The following ANGEL1 variants were observed in gnomAD, a reference collection of about 807,000 sequenced individuals.
ANGEL1 encodes angel homolog 1.
ANGEL1 carries 62 observed loss-of-function variants against 76.4 expected under a neutral mutation model. The ratio of observed to expected loss-of-function variants is 0.81; its 90% CI spans 0.66 to 1.00. ANGEL1 has a LOEUF of 1.00. ANGEL1 is among the 50% of genes least tolerant of loss of function. The pLI, the probability that ANGEL1 is intolerant of heterozygous loss-of-function variation, is 0.00. For missense variants in ANGEL1, 737 were observed against 836.7 expected, an observed-to-expected ratio of 0.88 and a Z score of 1.47; for synonymous variants, 340 against 331.7, an observed-to-expected ratio of 1.03 and a Z score of -0.27.
rs1477038434 is a variant in ANGEL1, at chr14:76,812,792, C to A, written c.36G>T (p.Pro12=). Residue 12 remains proline, a synonymous_variant, in exon 1 of 10, where the codon CCG becomes CCT. Coordinates refer to ENST00000251089, the MANE Select transcript of ANGEL1 (RefSeq NM_015305.4). ...IASCLCYLLL[P]ATRLFRALSD... is the part of the protein sequence containing the mutation. ...AGAGGGCGCGGAAGAGGCGCGTGGC[C>A]GGCAGCAGCAGGTAACACAAGCACG... 2.6e-6 allele frequency: 4 copies of A among 1,521,724 alleles called. No homozygotes were observed. Among genetic ancestry groups the A allele is most frequent in the Admixed American group, 2.0e-5 (1 of 49,648 alleles). The allele number at this position is 1,521,724 out of a possible 1,614,324, so 94.3% of individuals were successfully genotyped here.
intron 5 of ANGEL1, chr14:76,804,442 G>GA (rs1894856535): frequency 2.0e-6 from 2 of 993,548 alleles, no homozygotes; most frequent in African/African-American, 3.5e-5. Context: ...CGTAGTAGGG[G>GA]AAACATTCGG....
rs71122579 is a variant in ANGEL1, at chr14:76,799,278, C to CTTTTTTTTTT, written c.1618+4083_1618+4092dup. Reference sequence around the variant, plus strand: ...CTCGTTGTACTCCATTCATGGCCTCCTTTTTTTTTTTTTTTTTTTTTTTTT... The same window carrying CTTTTTTTTTT: ...CTCGTTGTACTCCATTCATGGCCTCCTTTTTTTTTTTTTTTTTTTTTTTTTTTTTTTTTTT... On this transcript the variant is annotated intron_variant, in intron 7 of 9. Coordinates refer to ENST00000251089, the MANE Select transcript of ANGEL1 (RefSeq NM_015305.4). Among the ~76,000 whole-genome samples the CTTTTTTTTTT allele has an allele frequency of 8.8e-4, 46 of 52,384 alleles. 8 individuals carry two copies. The highest frequency in any genetic ancestry group is 1.3e-3 in the African/African-American group (16 of 12,320). 34.4% of individuals were successfully genotyped at this position (52,384 alleles called of 152,430 possible).
At position 76,806,587 on chromosome 14, in the gene ANGEL1, C is replaced by G; in HGVS notation, c.1209G>C (p.Lys403Asn). 1.2e-6 allele frequency: 2 copies of G among 1,614,228 alleles called. No individual in the cohort carries two copies. Among genetic ancestry groups the G allele is most frequent in the Non-Finnish European group, 1.7e-6 (2 of 1,180,044 alleles). ...CCAGGAGAATGGCCATCTGGGCCAG[C>G]TTGACATCGCCCCGGCGTGGGTTGT... is the stretch of plus-strand genomic sequence containing the variant. ...ILYNPRRGDV[K>N]LAQMAILLAE... Residue 403 changes from lysine (K) to asparagine (N), a missense_variant, in exon 5 of 10, where the codon AAG (lysine) becomes AAC (asparagine). Lys to Asn is a moderately conservative substitution (Grantham distance 94). Coordinates refer to ENST00000251089, the MANE Select transcript of ANGEL1 (RefSeq NM_015305.4).
chr14:76,803,913 C>G lies in ANGEL1; in HGVS notation c.1381-1G>C. ...GGGAGAAGTCTTCCTGTCCAGATAC[C>G]TGGGTGGAAAAAGAAGGGTGGGAAT... On this transcript the variant is annotated splice_acceptor_variant, in intron 5 of 9. Coordinates refer to ENST00000251089, the MANE Select transcript of ANGEL1 (RefSeq NM_015305.4). LOFTEE classifies it high-confidence loss of function. 1 of 1,614,094 alleles carries G rather than the reference C, an allele frequency of 6.2e-7. No individual in the cohort carries two copies. The highest frequency in any genetic ancestry group is 8.5e-7 in the Non-Finnish European group (1 of 1,180,020).
In ANGEL1 at chr14:76,801,517, G is replaced by A. The variant is rs564383306; in HGVS notation, c.1618+1854C>T. 9.2e-5 allele frequency among the ~76,000 whole-genome samples: 14 copies of A among 152,132 alleles called. No homozygotes were observed. In the South Asian group the frequency reaches 2.1e-3, roughly 23 times the overall value. On this transcript the variant is annotated intron_variant, in intron 7 of 9. Transcript: ENST00000251089. Reference sequence around the variant, plus strand: ...ATAATTATCTTTAAATATTTCTTCTGTGTTATTATATTATAGGCTTTCTTC... The same window carrying A: ...ATAATTATCTTTAAATATTTCTTCTATGTTATTATATTATAGGCTTTCTTC...
At chr14:76,796,660 T>C (rs1894587520) in intron 7 of ANGEL1, among the ~76,000 whole-genome samples, 1 of 152,220 alleles carries the variant, frequency 6.6e-6, no homozygotes, top group East Asian at 1.9e-4. Flanking sequence ...TCTTCTCTGC[T>C]GTCAATGTTC....
intron 7 of ANGEL1, among the ~76,000 whole-genome samples, chr14:76,797,056 TCCA>T (rs1303054844): frequency 6.6e-6 from 1 of 152,174 alleles, no homozygotes; most frequent in Non-Finnish European, 1.5e-5. Context: ...ACTCAAGGCT[TCCA>T]CCTACTCTGC....
chr14:76,803,755 AC>A, intron 6 of ANGEL1, 30 bp downstream of exon 6: 1 of 1,577,180 alleles, frequency 6.3e-7, no homozygotes, highest in South Asian at 1.2e-5. Context: ...GCATGAAGAC[AC>A]AGCCAACCAA....
intron 7 of ANGEL1, among the ~76,000 whole-genome samples, chr14:76,796,493 G>A (rs1377122358): frequency 6.6e-6 from 1 of 151,812 alleles, no homozygotes; most frequent in African/African-American, 2.4e-5. Flanking sequence ...AGGACTCAAG[G>A]GAATCACTTG....
rs71122579 is a variant in ANGEL1 at position 76,799,278 on chromosome 14, C to CTTTTTTTTTTTTTT, written c.1618+4079_1618+4092dup. 1.5e-4 allele frequency among the ~76,000 whole-genome samples: 8 copies of CTTTTTTTTTTTTTT among 52,378 alleles called. 2 individuals carry two copies. Among genetic ancestry groups the CTTTTTTTTTTTTTT allele is most frequent in the African/African-American group, 2.4e-4 (3 of 12,320 alleles). The allele number at this position is 52,378 out of a possible 152,430, so 34.4% of individuals were successfully genotyped here. On this transcript the variant is annotated intron_variant, in intron 7 of 9. Coordinates refer to ENST00000251089, the MANE Select transcript of ANGEL1 (RefSeq NM_015305.4). ...CTCGTTGTACTCCATTCATGGCCTC[C>CTTTTTTTTTTTTTT]TTTTTTTTTTTTTTTTTTTTTTTTT...
At chr14:76,802,010 G>T in intron 7 of ANGEL1, among the ~76,000 whole-genome samples, 1 of 142,392 alleles carries the variant, frequency 7.0e-6, no homozygotes, top group Non-Finnish European at 1.5e-5. Context: ...TACAAAAAAA[G>T]AAAAAAAAAA....
rs1195364463 is a variant in ANGEL1 at position 76,786,640 on chromosome 14, G to A, written c.*2588C>T. The A allele has an allele frequency of 1.3e-5, 2 of 152,210 alleles. No homozygotes were observed. Among genetic ancestry groups the A allele is most frequent in the South Asian group, 2.1e-4 (1 of 4,824 alleles). The allele number at this position is 152,210 out of a possible 1,614,324, so 9.4% of individuals were successfully genotyped here. On this transcript the variant is annotated 3_prime_UTR_variant, in exon 10 of 10. Transcript: ENST00000251089. ...CAGATCTGGTTTCAGGGCTCCCAGT[G>A]GGCATGTGGGCTTGGCTGGTCTTAC...
At chr14:76,794,568 G>C (rs1894518844) in intron 7 of ANGEL1, among the ~76,000 whole-genome samples, 1 of 151,836 alleles carries the variant, frequency 6.6e-6, no homozygotes, top group Non-Finnish European at 1.5e-5. Flanking sequence ...CTACTCGGGA[G>C]GCTGAGGCAG....
intron 7 of ANGEL1, among the ~76,000 whole-genome samples, chr14:76,796,215 GT>G (rs1004638183): frequency 1.3e-5 from 2 of 150,020 alleles, no homozygotes; most frequent in African/African-American, 2.4e-5. Flanking sequence ...TGATCAAAAA[GT>G]TTTTTAAATG....
chr14:76,803,248 T>C (rs1333178628), intron 7 of ANGEL1, 123 bp downstream of exon 7: 2 of 762,532 alleles, frequency 2.6e-6, no homozygotes, highest in Non-Finnish European at 4.2e-6. Flanking sequence ...CTTCTAAATA[T>C]ACGTATTACC....
At chr14:76,804,472 A>C (rs1013024655) in intron 5 of ANGEL1, 1 of 989,048 alleles carries the variant, frequency 1.0e-6, no homozygotes, top group Non-Finnish European at 1.2e-6. Flanking sequence ...TCATCTGCAC[A>C]TCTCCAACGT....
At position 76,809,285 on chromosome 14, in the gene ANGEL1, C is replaced by A. The variant is rs755400606; in HGVS notation, c.423G>T (p.Gly141=). 6.2e-7 allele frequency: 1 copy of A among 1,613,900 alleles called. No homozygotes were observed. Among genetic ancestry groups the A allele is most frequent in the Non-Finnish European group, 8.5e-7 (1 of 1,179,834 alleles). Residue 141 remains glycine (G), a synonymous_variant, in exon 2 of 10, where the codon GGG becomes GGT. Coordinates refer to ENST00000251089, the MANE Select transcript of ANGEL1 (RefSeq NM_015305.4). ...TAGCTGCCCACATGGAGCCCTCCAC[C>A]CCCTCCACCTCCAGCAGTGGCTCCT... ...LGEEPLLEVE[G]VEGSMWAAIP...
chr14:76,812,163 C>T (rs1329747333), intron 1 of ANGEL1: 8 of 839,668 alleles, frequency 9.5e-6, no homozygotes, highest in Non-Finnish European at 1.1e-5. Flanking sequence ...AGCACATCTC[C>T]CTCTAAACCG....
intron 5 of ANGEL1, among the ~76,000 whole-genome samples, 196 bp downstream of exon 5, chr14:76,806,220 A>G (rs1279167818): frequency 6.6e-6 from 1 of 152,208 alleles, no homozygotes. Flanking sequence ...AAACTGAAAA[A>G]AATTCCAATA....
Sources: allele counts gnomAD v4.1 joint callset (sites outside exome capture counted in the v4.1 genomes callset), GRCh38; gene constraint gnomAD v4.1.1; transcripts MANE v1.5; gene names NCBI Gene and HGNC (gene_info 2026-07-23, HGNC 2026-07-21).